Variants in OXR1 observed in about 807,000 individuals in gnomAD.
OXR1 encodes oxidation resistance 1.
A neutral mutation model predicts 104.6 loss-of-function variants in OXR1; 41 were observed. The ratio of observed to expected loss-of-function variants is 0.39; its 90% confidence interval spans 0.31 to 0.51. The LOEUF is 0.51. Ranked by LOEUF, OXR1 falls within the 20% of genes least tolerant of loss-of-function variation. The pLI is 0.77. For missense variants in OXR1, 955 were observed against 1,031.9 expected, an observed-to-expected ratio of 0.93 and a Z score of 1.02; for synonymous variants, 348 against 348.4, an observed-to-expected ratio of 1.00 and a Z score of 0.01.
At chr8:106,510,652 A>G (rs1000574200) in intron 2 of OXR1, among the ~76,000 whole-genome samples, 2 of 152,160 alleles carry the variant, frequency 1.3e-5, no homozygotes, top group Non-Finnish European at 2.9e-5. Context: ...ATACTGGCCT[A>G]GCCCTTCACA....
At chr8:106,686,014 G>A (rs1275872753) in intron 6 of OXR1, among the ~76,000 whole-genome samples, 1 of 152,152 alleles carries the variant, frequency 6.6e-6, no homozygotes, top group Non-Finnish European at 1.5e-5. Context: ...TCTAAGTGAA[G>A]TAACTCAGGA....
intron 11 of OXR1, among the ~76,000 whole-genome samples, 184 bp from the exon 12 acceptor site, chr8:106,737,336 T>A (rs1417886098): frequency 1.3e-5 from 2 of 152,040 alleles, no homozygotes; most frequent in Admixed American, 6.6e-5. Context: ...TGAAAATCAT[T>A]CATGGATATT....
chr8:106,495,036 G>T (rs1272906988), intron 2 of OXR1, among the ~76,000 whole-genome samples: 1 of 152,078 alleles, frequency 6.6e-6, no homozygotes. Flanking sequence ...GGAGCTGATA[G>T]CCGATTTGCC....
intron 3 of OXR1, among the ~76,000 whole-genome samples, chr8:106,570,671 G>A (rs1817408140): frequency 6.6e-6 from 1 of 152,080 alleles, no homozygotes; most frequent in Non-Finnish European, 1.5e-5. Context: ...TCCTGACTCT[G>A]CTTCCTTCAT....
intron 2 of OXR1, among the ~76,000 whole-genome samples, chr8:106,489,971 C>G (rs1283279921): frequency 1.3e-5 from 2 of 152,150 alleles, no homozygotes; most frequent in Non-Finnish European, 2.9e-5. Flanking sequence ...ACCAGGACAA[C>G]TGGCTTAAAT....
At chr8:106,440,583 A>G (rs936661830) in intron 2 of OXR1, among the ~76,000 whole-genome samples, 1 of 152,120 alleles carries the variant, frequency 6.6e-6, no homozygotes, top group African/African-American at 2.4e-5. Flanking sequence ...AGCCCTAGGC[A>G]TGCATCTAAA....
chr8:106,726,241 G>T (rs1246400748), intron 11 of OXR1: 7 of 1,526,352 alleles, frequency 4.6e-6, no homozygotes, highest in Non-Finnish European at 5.3e-6. Flanking sequence ...CCCTGGAAAG[G>T]AAATGTCTCG....
At chr8:106,409,927 C>A (rs1345701251) in intron 2 of OXR1, among the ~76,000 whole-genome samples, 2 of 151,960 alleles carry the variant, frequency 1.3e-5, no homozygotes, top group African/African-American at 4.8e-5. Flanking sequence ...CACTAAATAT[C>A]AAAATGAAGA....
intron 3 of OXR1, among the ~76,000 whole-genome samples, chr8:106,524,694 C>T (rs1184636809): frequency 2.0e-5 from 3 of 152,018 alleles, no homozygotes; most frequent in South Asian, 2.1e-4. Context: ...TGGGAAAGAG[C>T]GTGCCTGGTT....
intron 10 of OXR1, among the ~76,000 whole-genome samples, chr8:106,713,165 TA>T (rs1293186164): frequency 6.6e-6 from 1 of 151,998 alleles, no homozygotes; most frequent in African/African-American, 2.4e-5. Flanking sequence ...TTAACTGGTA[TA>T]TGTTAGCTGA....
intron 2 of OXR1, among the ~76,000 whole-genome samples, chr8:106,502,550 C>T (rs1433918724): frequency 6.6e-6 from 1 of 152,120 alleles, no homozygotes; most frequent in Non-Finnish European, 1.5e-5. Flanking sequence ...CCATTGGGTT[C>T]TTATTTTTTA....
chr8:106,731,699 A>T (rs1373216740), intron 11 of OXR1, among the ~76,000 whole-genome samples: 1 of 152,106 alleles, frequency 6.6e-6, no homozygotes, highest in African/African-American at 2.4e-5. Flanking sequence ...AGTTGACTGT[A>T]TTTATGTGGG....
intron 9 of OXR1, 123 bp downstream of exon 9, chr8:106,707,268 C>G (rs565157090): frequency 7.5e-6 from 6 of 798,452 alleles, no homozygotes; most frequent in Non-Finnish European, 8.6e-6. Context: ...GACCCTTGAC[C>G]GGTGATTCTC....
At chr8:106,474,689 G>T (rs1457979828) in intron 2 of OXR1, among the ~76,000 whole-genome samples, 1 of 151,902 alleles carries the variant, frequency 6.6e-6, no homozygotes, top group African/African-American at 2.4e-5. Context: ...GTGAGTAGTT[G>T]TGACAGAGAC....
At chr8:106,335,211 T>G (rs536325095) in intron 1 of OXR1, among the ~76,000 whole-genome samples, 1 of 152,142 alleles carries the variant, frequency 6.6e-6, no homozygotes, top group East Asian at 1.9e-4. Flanking sequence ...TCACATTACC[T>G]TCTTTAGGAA....
At chr8:106,336,227 A>G (rs540445473) in intron 1 of OXR1, among the ~76,000 whole-genome samples, 2 of 152,354 alleles carry the variant, frequency 1.3e-5, no homozygotes, top group South Asian at 2.1e-4. Flanking sequence ...TCTCCAGGTA[A>G]GGCAAAGTAT....
At chr8:106,533,126 A>G (rs910413005) in intron 3 of OXR1, among the ~76,000 whole-genome samples, 1 of 152,244 alleles carries the variant, frequency 6.6e-6, no homozygotes, top group South Asian at 2.1e-4. Flanking sequence ...CCTAGTTACA[A>G]TGCTAGAGTT....
At chr8:106,399,126 A>G (rs943898730) in intron 2 of OXR1, among the ~76,000 whole-genome samples, 2 of 152,176 alleles carry the variant, frequency 1.3e-5, no homozygotes, top group East Asian at 1.9e-4. Flanking sequence ...GGAAGTAACT[A>G]CCACTTAGAC....
intron 2 of OXR1, among the ~76,000 whole-genome samples, chr8:106,448,490 T>C (rs186025353): frequency 5.8e-4 from 89 of 152,276 alleles, no homozygotes; most frequent in Middle Eastern, 3.4e-3. Context: ...AGCACATATA[T>C]TTCAGTATGT....
Sources: allele counts gnomAD v4.1 joint callset (sites outside exome capture counted in the v4.1 genomes callset), GRCh38; gene constraint gnomAD v4.1.1; transcripts MANE v1.5; gene names NCBI Gene and HGNC (gene_info 2026-07-23, HGNC 2026-07-21).